The following MED4 variants were observed in gnomAD, a reference collection of about 807,000 sequenced individuals.
The protein encoded by MED4 is mediator of RNA polymerase II transcription subunit 4.
In MED4, 21 loss-of-function variants were observed where a neutral mutation model predicts 35.0. That is an observed-to-expected ratio of 0.60 (90% CI 0.43 to 0.86). The LOEUF is 0.86. Ranked by LOEUF, MED4 falls within the 40% of genes least tolerant of loss-of-function variation. The pLI is 0.00. For missense variants in MED4, 300 were observed against 319.4 expected, an observed-to-expected ratio of 0.94 and a Z score of 0.46; for synonymous variants, 138 against 114.0, an observed-to-expected ratio of 1.21 and a Z score of -1.34.
At chr13:48,089,306 C>T (rs948437577) in intron 2 of MED4, among the ~76,000 whole-genome samples, 6 of 152,148 alleles carry the variant, frequency 3.9e-5, no homozygotes, top group Non-Finnish European at 8.8e-5. Flanking sequence ...CTATTGAGTC[C>T]GTCAGATTTC....
At chr13:48,085,526 G>A (rs2137834863) in intron 3 of MED4, among the ~76,000 whole-genome samples, 2 of 152,268 alleles carry the variant, frequency 1.3e-5, no homozygotes, top group South Asian at 4.1e-4. Context: ...ATTTACTAGT[G>A]AGTTGTTTCC....
rs546205011 is a variant in MED4, at chr13:48,088,742, C to G, written c.192+1610G>C. On this transcript the variant is annotated intron_variant, in intron 2 of 6. Transcript: ENST00000258648. ...CATTAACCTCTACCTCATCCGTCCA[C>G]CCTGGAGCTTATTCTCACAGGAGGT... Among the ~76,000 whole-genome samples, 3 of 152,186 alleles carry G rather than the reference C, an allele frequency of 2.0e-5. No homozygotes were observed. In the East Asian group the frequency reaches 5.8e-4, roughly 29 times the overall value.
intron 2 of MED4, among the ~76,000 whole-genome samples, chr13:48,087,659 A>G (rs1324275844): frequency 1.3e-5 from 2 of 151,988 alleles, no homozygotes; most frequent in Non-Finnish European, 2.9e-5. Context: ...AGACCAGCCT[A>G]ACCAACATGG....
rs779181559 is a variant in MED4 at position 48,083,471 on chromosome 13, T to C, written c.364-43A>G. On this transcript the variant is annotated intron_variant, in intron 3 of 6. Coordinates refer to ENST00000258648, the MANE Select transcript of MED4 (RefSeq NM_014166.4). Reference sequence around the variant, plus strand: ...TAAAAAACGTGGTTTATTCTTCAACTATATCAAACTTAGTTTTTGGCTTAA... The same window carrying C: ...TAAAAAACGTGGTTTATTCTTCAACCATATCAAACTTAGTTTTTGGCTTAA... 173 of 1,536,924 alleles carry C rather than the reference T, an allele frequency of 1.1e-4. 3 individuals are homozygous for C. The South Asian group carries it at 1.4e-3, about 13-fold the overall frequency.
chr13:48,085,751 T>G (rs777878911), intron 3 of MED4, among the ~76,000 whole-genome samples: 3 of 152,180 alleles, frequency 2.0e-5, no homozygotes, highest in Non-Finnish European at 4.4e-5. Flanking sequence ...AAGTTGCCTC[T>G]TTGAAATAGT....
At chr13:48,092,826 T>C (rs1950899653) in intron 1 of MED4, among the ~76,000 whole-genome samples, 1 of 151,970 alleles carries the variant, frequency 6.6e-6, no homozygotes, top group Non-Finnish European at 1.5e-5. Context: ...CTGACTAGAG[T>C]GGGGCTATGG....
intron 6 of MED4, 176 bp from the exon 7 acceptor site, chr13:48,077,487 T>A: frequency 2.1e-6 from 1 of 469,682 alleles, no homozygotes; most frequent in Non-Finnish European, 3.6e-6. Flanking sequence ...CACGAATACA[T>A]CACTGAAGCC....
In MED4 at chr13:48,077,316, A is replaced by AG; in HGVS notation, c.641-6dup. ...GATACTGTGGAGCAAGGACATCTGGAGAAAAAAAGAAGCATAGATAAGAAC... is the reference window on the plus strand; with the variant it reads ...GATACTGTGGAGCAAGGACATCTGGAGGAAAAAAAGAAGCATAGATAAGAAC... On this transcript the variant is annotated splice_region_variant and splice_polypyrimidine_tract_variant and intron_variant, in intron 6 of 6. Coordinates refer to ENST00000258648, the MANE Select transcript of MED4 (RefSeq NM_014166.4). 6.8e-7 allele frequency: 1 copy of AG among 1,461,378 alleles called. No individual in the cohort carries two copies. Among genetic ancestry groups the AG allele is most frequent in the Non-Finnish European group, 9.0e-7 (1 of 1,108,748 alleles). The allele number at this position is 1,461,378 out of a possible 1,614,324, so 90.5% of individuals were successfully genotyped here.
rs750436853 is a variant in MED4, at chr13:48,095,042, G to A, written c.37C>T (p.Arg13Trp). 14 of 1,605,926 alleles carry A rather than the reference G, an allele frequency of 8.7e-6. No homozygotes were observed. The highest frequency in any genetic ancestry group is 1.3e-5 in the African/African-American group (1 of 74,924). Residue 13 changes from arginine (R) to tryptophan (W), a missense_variant, in exon 1 of 7, where the codon CGG (arginine) becomes TGG (tryptophan). Physicochemically the swap from Arg to Trp is moderately radical, Grantham distance 101. Coordinates refer to ENST00000258648, the MANE Select transcript of MED4 (RefSeq NM_014166.4). ...ASSSGEKEKE[R>W]LGGGLGVAGG... ...GCCACTCCCAAACCGCCTCCCAGCCGCTCCTTCTCCTTCTCACCACTCGAA... is the reference window on the plus strand; with the variant it reads ...GCCACTCCCAAACCGCCTCCCAGCCACTCCTTCTCCTTCTCACCACTCGAA...
At chr13:48,091,968 A>G (rs1439681410) in intron 1 of MED4, among the ~76,000 whole-genome samples, 1 of 152,190 alleles carries the variant, frequency 6.6e-6, no homozygotes, top group African/African-American at 2.4e-5. Flanking sequence ...CAGTGCCCCA[A>G]AGATGGAGCT....
chr13:48,093,681 C>T (rs1169949204), intron 1 of MED4: 3 of 428,026 alleles, frequency 7.0e-6, no homozygotes, highest in Non-Finnish European at 1.4e-5. Flanking sequence ...AGCCACCACA[C>T]CCGGCCCTAA....
rs780566068 is a variant in MED4 at position 48,095,041 on chromosome 13, C to G, written c.38G>C (p.Arg13Pro). The part of the protein sequence containing the change: ...ASSSGEKEKE[R>P]LGGGLGVAGG... ...CGCCACTCCCAAACCGCCTCCCAGC[C>G]GCTCCTTCTCCTTCTCACCACTCGA... The change falls in exon 1 of 7, where the codon CGG (arginine) becomes CCG (proline). Residue 13 changes from arginine to proline, a missense_variant. Physicochemically the swap from Arg to Pro is moderately radical, Grantham distance 103. Transcript: ENST00000258648. 2.5e-6 allele frequency: 4 copies of G among 1,606,160 alleles called. No homozygotes were observed. In the South Asian group the frequency reaches 3.3e-5, roughly 13 times the overall value.
chr13:48,081,078 T>C (rs1233698273), intron 5 of MED4, among the ~76,000 whole-genome samples: 4 of 152,252 alleles, frequency 2.6e-5, no homozygotes, highest in Admixed American at 6.5e-5. Context: ...GAAGTGGAGA[T>C]AACTACTAAT....
At chr13:48,092,980 G>A (rs1950900802) in intron 1 of MED4, among the ~76,000 whole-genome samples, 1 of 152,098 alleles carries the variant, frequency 6.6e-6, no homozygotes, top group Non-Finnish European at 1.5e-5. Flanking sequence ...TAACAGTCCA[G>A]GACAAAATAG....
rs75027323 is a variant in MED4 at position 48,088,574 on chromosome 13, C to A, written c.192+1778G>T. 6.5e-3 allele frequency among the ~76,000 whole-genome samples: 987 copies of A among 152,262 alleles called. 11 individuals are homozygous for A. The highest frequency in any genetic ancestry group is 0.022 in the African/African-American group (915 of 41,548). On this transcript the variant is annotated intron_variant, in intron 2 of 6. Transcript: ENST00000258648. Reference sequence around the variant, plus strand: ...AAAGCAAGTAGTACACAGTAGTTCCCTGACAACTTTCAAGAAGTTTACACA... The same window carrying A: ...AAAGCAAGTAGTACACAGTAGTTCCATGACAACTTTCAAGAAGTTTACACA...
At chr13:48,080,068 T>C in intron 5 of MED4, 93 bp from the exon 6 acceptor site, 3 of 1,413,484 alleles carry the variant, frequency 2.1e-6, no homozygotes, top group Non-Finnish European at 2.9e-6. Flanking sequence ...TGGTTCATGC[T>C]GAAAAGTTCA....
intron 1 of MED4, among the ~76,000 whole-genome samples, chr13:48,092,969 G>A (rs1950900736): frequency 6.6e-6 from 1 of 152,128 alleles, no homozygotes; most frequent in African/African-American, 2.4e-5. Context: ...GTCATGTTCT[G>A]TAACAGTCCA....
intron 3 of MED4, among the ~76,000 whole-genome samples, chr13:48,085,170 ATTTTTTTTT>A (rs56225303): frequency 7.2e-6 from 1 of 139,366 alleles, no homozygotes; most frequent in Non-Finnish European, 1.5e-5. Context: ...TGCCCAGCTA[ATTTTTTTTT>A]TTTTTTTTTT....
intron 5 of MED4, 113 bp from the exon 6 acceptor site, chr13:48,080,088 T>C (rs2137828650): frequency 8.0e-7 from 1 of 1,256,740 alleles, no homozygotes; most frequent in East Asian, 2.7e-5. Flanking sequence ...AGGCTACATT[T>C]TCAATTTTGA....
Sources: allele counts gnomAD v4.1 joint callset (sites outside exome capture counted in the v4.1 genomes callset), GRCh38; gene constraint gnomAD v4.1.1; transcripts MANE v1.5; gene names NCBI Gene and HGNC (gene_info 2026-07-23, HGNC 2026-07-21).